PCDH11X: variants seen among roughly 807,000 people sequenced by gnomAD.
PCDH11X encodes protocadherin-11 X-linked.
A neutral mutation model predicts 53.3 loss-of-function variants in PCDH11X; 18 were observed. The observed-to-expected ratio is 0.34, with a 90% confidence interval of 0.23 to 0.50. The LOEUF (loss-of-function observed/expected upper bound fraction) is 0.50, where lower values mean the gene tolerates loss of function less well. PCDH11X is among the 20% of genes least tolerant of loss of function. PCDH11X has a pLI of 0.98. For missense variants in PCDH11X, 570 were observed against 1,032.4 expected (o/e 0.55, Z 6.14); for synonymous variants, 279 against 393.3 (o/e 0.71, Z 3.44).
intron 9 of PCDH11X, among the ~76,000 whole-genome samples, chrX:92,393,661 A>G (rs2071181253): frequency 9.0e-6 from 1 of 111,413 alleles, no homozygotes; most frequent in Non-Finnish European, 1.9e-5. Flanking sequence ...TATCATTGTA[A>G]TAATTGATAC....
At chrX:92,545,428 G>A (rs2074834895) in intron 10 of PCDH11X, among the ~76,000 whole-genome samples, 2 of 86,385 alleles carry the variant, frequency 2.3e-5, no homozygotes, top group South Asian at 1.3e-3. Flanking sequence ...TTGAGGCGGA[G>A]TCTCGCTCTG....
At chrX:92,148,522 G>A (rs1363116340) in intron 6 of PCDH11X, among the ~76,000 whole-genome samples, 4 of 107,271 alleles carry the variant, frequency 3.7e-5, no homozygotes, top group East Asian at 3.0e-4. Context: ...CCACTGCGTC[G>A]GCCTGAATTT....
chrX:92,113,394 A>G, intron 6 of PCDH11X: 3 of 1,202,314 alleles, frequency 2.5e-6, no homozygotes, highest in Non-Finnish European at 3.4e-6. Flanking sequence ...TTCTGTGGAT[A>G]TAGTTTTCCC....
At chrX:92,318,665 G>A (rs191252089) in intron 8 of PCDH11X, among the ~76,000 whole-genome samples, 4 of 111,479 alleles carry the variant, frequency 3.6e-5, no homozygotes, top group South Asian at 7.5e-4. Flanking sequence ...CTTAGCCTGG[G>A]AATAGATTTG....
At chrX:91,830,871 C>T (rs1012489523) in intron 4 of PCDH11X, among the ~76,000 whole-genome samples, 65 of 111,417 alleles carry the variant, frequency 5.8e-4, no homozygotes, top group Non-Finnish European at 1.1e-3. Flanking sequence ...ACCATTCACT[C>T]ATGTGTTTGT....
In PCDH11X at chrX:91,793,616, G is replaced by A. The variant is rs760754725; in HGVS notation, c.-379+13932G>A. On this transcript the variant is annotated intron_variant, in intron 1 of 10. Transcript: ENST00000682573. ...TTTGGTTCTATTTTCAAATAATTTC[G>A]GAAACCAGAGTCAAACTTCAAGGGA... 9.0e-5 allele frequency among the ~76,000 whole-genome samples: 10 copies of A among 111,441 alleles called. No homozygotes were observed. The South Asian group carries it at 3.0e-3, about 34-fold the overall frequency.
chrX:92,419,966 CA>C (rs2071923421), intron 9 of PCDH11X, among the ~76,000 whole-genome samples: 1 of 111,056 alleles, frequency 9.0e-6, no homozygotes. Context: ...AGGCGTGAGC[CA>C]CCACGCCCAG....
At chrX:92,081,133 A>C (rs1462146674) in intron 6 of PCDH11X, among the ~76,000 whole-genome samples, 1 of 111,526 alleles carries the variant, frequency 9.0e-6, no homozygotes, top group Non-Finnish European at 1.9e-5. Context: ...TAAAATCCAC[A>C]CCACATATTT....
At chrX:92,358,814 T>G (rs1242759399) in intron 8 of PCDH11X, among the ~76,000 whole-genome samples, 1 of 109,439 alleles carries the variant, frequency 9.1e-6, no homozygotes, top group African/African-American at 3.3e-5. Context: ...GATCTGTAGG[T>G]TCTCATATTT....
chrX:92,029,463 C>T (rs1036229842), intron 6 of PCDH11X, among the ~76,000 whole-genome samples: 1 of 111,674 alleles, frequency 9.0e-6, no homozygotes, highest in African/African-American at 3.3e-5. Flanking sequence ...TATGTGACAT[C>T]ATCAGAAGTT....
chrX:92,536,091 C>T (rs968091947), intron 10 of PCDH11X, among the ~76,000 whole-genome samples: 8 of 107,923 alleles, frequency 7.4e-5, no homozygotes, highest in African/African-American at 2.7e-4. Context: ...TTATTCTATT[C>T]TTTTTTCTAT....
intron 6 of PCDH11X, among the ~76,000 whole-genome samples, chrX:91,889,719 C>G (rs1488776667): frequency 1.8e-5 from 2 of 109,715 alleles, no homozygotes; most frequent in East Asian, 5.7e-4. Context: ...CATATGGAGG[C>G]AAAATAGAAT....
chrX:92,456,718 C>T (rs34339182), intron 9 of PCDH11X, among the ~76,000 whole-genome samples: 38 of 111,309 alleles, frequency 3.4e-4, no homozygotes, highest in African/African-American at 1.1e-3. Flanking sequence ...CCTCTTCCTG[C>T]GCATATAAGC....
At chrX:92,138,255 A>G (rs1013492191) in intron 6 of PCDH11X, among the ~76,000 whole-genome samples, 10 of 111,067 alleles carry the variant, frequency 9.0e-5, no homozygotes, top group Non-Finnish European at 1.5e-4. Flanking sequence ...CCATTCTGTC[A>G]TTGATGGGCA....
At chrX:92,173,030 T>C (rs1279513947) in intron 6 of PCDH11X, among the ~76,000 whole-genome samples, 1 of 112,194 alleles carries the variant, frequency 8.9e-6, no homozygotes, top group African/African-American at 3.2e-5. Context: ...ATTGTTCCAT[T>C]GTTTTAATCT....
intron 5 of PCDH11X, among the ~76,000 whole-genome samples, chrX:91,875,490 C>A (rs1262102135): frequency 9.3e-6 from 1 of 107,289 alleles, no homozygotes; most frequent in Non-Finnish European, 1.9e-5. Context: ...ACGGGGTTTC[C>A]CCGTGTTAGC....
chrX:91,861,924 C>G (rs185713357), intron 5 of PCDH11X, among the ~76,000 whole-genome samples: 1 of 110,932 alleles, frequency 9.0e-6, no homozygotes, highest in African/African-American at 3.3e-5. Context: ...AATGTGAGAA[C>G]CTGGATACCT....
chrX:91,786,868 G>A (rs1361067849), intron 1 of PCDH11X, among the ~76,000 whole-genome samples: 3 of 110,914 alleles, frequency 2.7e-5, no homozygotes, highest in African/African-American at 9.8e-5. Flanking sequence ...TGTTGTCAAA[G>A]TTCTGAATGT....
chrX:92,058,360 G>A (rs1203741690), intron 6 of PCDH11X, among the ~76,000 whole-genome samples: 1 of 110,111 alleles, frequency 9.1e-6, no homozygotes, highest in Non-Finnish European at 1.9e-5. Flanking sequence ...ATAATTTTCA[G>A]CATATCCATG....
Sources: gnomAD v4.1 joint callset for allele counts (sites outside exome capture counted in the v4.1 genomes callset) on GRCh38, gnomAD v4.1.1 for gene constraint, MANE v1.5 for transcripts, NCBI Gene and HGNC (gene_info 2026-07-23, HGNC 2026-07-21) for gene names.